JAZF1: variants seen among roughly 807,000 people sequenced by gnomAD.
The protein encoded by JAZF1 is juxtaposed with another zinc finger protein 1.
JAZF1 carries 8 observed loss-of-function variants against 26.4 expected under a neutral mutation model. The observed-to-expected ratio is 0.30, with a 90% CI of 0.18 to 0.55. The LOEUF is 0.55. JAZF1 is among the 20% of genes least tolerant of loss of function. The pLI is 0.94. For missense variants in JAZF1, 199 were observed against 322.0 expected (o/e 0.62, Z 2.92); for synonymous variants, 126 against 122.3 (o/e 1.03, Z -0.20).
intron 1 of JAZF1, among the ~76,000 whole-genome samples, chr7:28,120,188 T>TA (rs1784816731): frequency 6.9e-6 from 1 of 144,238 alleles, no homozygotes; most frequent in African/African-American, 2.6e-5. Context: ...TTTTTTTTTT[T>TA]ATTAAGCTTT....
At chr7:27,838,276 A>G (rs1019294519) in intron 4 of JAZF1, among the ~76,000 whole-genome samples, 1 of 152,086 alleles carries the variant, frequency 6.6e-6, no homozygotes, top group African/African-American at 2.4e-5. Context: ...GGAAAACATT[A>G]TTTTTTCCTC....
chr7:27,894,903 T>C (rs1239067447), intron 3 of JAZF1, among the ~76,000 whole-genome samples: 1 of 152,200 alleles, frequency 6.6e-6, no homozygotes, highest in Non-Finnish European at 1.5e-5. Context: ...TATATTTAGT[T>C]GTAAATCGGG....
chr7:27,930,397 T>G (rs756477953), intron 2 of JAZF1, among the ~76,000 whole-genome samples: 3 of 152,196 alleles, frequency 2.0e-5, no homozygotes, highest in Admixed American at 6.5e-5. Context: ...AGAAAATGGC[T>G]ACGAAGAACA....
intron 2 of JAZF1, among the ~76,000 whole-genome samples, chr7:27,942,723 A>C (rs1019642968): frequency 1.6e-4 from 25 of 152,246 alleles, no homozygotes; most frequent in Admixed American, 1.3e-4. Context: ...TGCTTTTAGT[A>C]GAAAAGGACA....
intron 1 of JAZF1, among the ~76,000 whole-genome samples, chr7:28,090,165 T>C (rs1471760429): frequency 6.6e-6 from 1 of 152,174 alleles, no homozygotes; most frequent in East Asian, 1.9e-4. Flanking sequence ...AACTTAAAAA[T>C]CAGTTTAATG....
At chr7:28,029,529 T>C (rs1179779712) in intron 1 of JAZF1, among the ~76,000 whole-genome samples, 1 of 152,182 alleles carries the variant, frequency 6.6e-6, no homozygotes, top group African/African-American at 2.4e-5. Context: ...AACAGATGTA[T>C]CACAGATAAA....
At position 27,840,612 on chromosome 7, in the gene JAZF1, C is replaced by T; in HGVS notation, c.555+86G>A. The T allele has an allele frequency of 2.8e-6, 4 of 1,416,932 alleles. No individual in the cohort carries two copies. The highest frequency in any genetic ancestry group is 3.9e-6 in the Non-Finnish European group (4 of 1,019,820). The allele number at this position is 1,416,932 out of a possible 1,614,324, so 87.8% of individuals were successfully genotyped here. Reference sequence around the variant, plus strand: ...TGTCTCCCCCCAGCCCATACGCTCGCTTTAAAATCAAGAAAGGGCTGCTGC... The same window carrying T: ...TGTCTCCCCCCAGCCCATACGCTCGTTTTAAAATCAAGAAAGGGCTGCTGC... On this transcript the variant is annotated intron_variant, in intron 4 of 4. Transcript: ENST00000283928. The surrounding 1 kb of genome is among the most constrained non-coding windows in gnomAD (Gnocchi z 5.1).
chr7:27,855,859 T>C (rs1357816178), intron 3 of JAZF1, among the ~76,000 whole-genome samples: 1 of 152,102 alleles, frequency 6.6e-6, no homozygotes, highest in Admixed American at 6.5e-5. Flanking sequence ...CCTAACTCAT[T>C]TTATGAGGCC....
chr7:28,165,958 C>A (rs541600947), intron 1 of JAZF1, among the ~76,000 whole-genome samples: 1 of 151,942 alleles, frequency 6.6e-6, no homozygotes, highest in Non-Finnish European at 1.5e-5. Flanking sequence ...AGTTACTAAA[C>A]GCATAAATTG....
At chr7:28,110,514 GAAAAGGA>G (rs762586935) in intron 1 of JAZF1, among the ~76,000 whole-genome samples, 9 of 65,956 alleles carry the variant, frequency 1.4e-4, no homozygotes, top group African/African-American at 6.3e-4. Context: ...AAAAGGAAAG[GAAAAGGA>G]AAAGGAAAAG....
chr7:28,026,550 T>C (rs1033448719), intron 1 of JAZF1, among the ~76,000 whole-genome samples: 1 of 152,152 alleles, frequency 6.6e-6, no homozygotes, highest in Non-Finnish European at 1.5e-5. Flanking sequence ...ATGTACAAAA[T>C]GAATGTTGAA....
chr7:27,874,771 C>T (rs1053410111), intron 3 of JAZF1, among the ~76,000 whole-genome samples: 16 of 152,122 alleles, frequency 1.1e-4, no homozygotes, highest in Admixed American at 2.0e-4. Flanking sequence ...TCAATGAGGG[C>T]TGGCTTGGCG....
chr7:28,003,294 A>C (rs1363605019), intron 1 of JAZF1, among the ~76,000 whole-genome samples: 1 of 152,148 alleles, frequency 6.6e-6, no homozygotes, highest in African/African-American at 2.4e-5. Context: ...GTAAAATCAC[A>C]CCTGAATCAC....
At chr7:28,153,841 A>G (rs1310052230) in intron 1 of JAZF1, among the ~76,000 whole-genome samples, 2 of 152,140 alleles carry the variant, frequency 1.3e-5, no homozygotes, top group African/African-American at 4.8e-5. Context: ...CCATACCTCT[A>G]TTAGGGGTGC....
chr7:28,034,738 T>C (rs17156237), intron 1 of JAZF1, among the ~76,000 whole-genome samples: 4,616 of 152,236 alleles, frequency 0.03, 90 homozygotes, highest in South Asian at 0.082. Context: ...TAAAATGCCA[T>C]AATCCTTCTA....
At chr7:27,839,847 A>G (rs1479003069) in intron 4 of JAZF1, among the ~76,000 whole-genome samples, 5 of 152,212 alleles carry the variant, frequency 3.3e-5, no homozygotes, top group Non-Finnish European at 2.9e-5. Flanking sequence ...GCTTTAAAAA[A>G]TAGTCAATCT....
At chr7:28,146,244 T>C (rs116690578) in intron 1 of JAZF1, among the ~76,000 whole-genome samples, 1 of 152,210 alleles carries the variant, frequency 6.6e-6, no homozygotes, top group Non-Finnish European at 1.5e-5. Flanking sequence ...GGCCACCATC[T>C]TGAAGAAACC....
chr7:27,836,803 G>A (rs532814139), intron 4 of JAZF1, among the ~76,000 whole-genome samples: 1 of 152,090 alleles, frequency 6.6e-6, no homozygotes, highest in Admixed American at 6.5e-5. Flanking sequence ...GGGTCTTCAG[G>A]AAAAAAAGAA....
intron 2 of JAZF1, chr7:27,914,750 C>T (rs1179992371): frequency 8.5e-6 from 4 of 471,152 alleles, no homozygotes; most frequent in South Asian, 6.2e-5. Flanking sequence ...CACACAGGGG[C>T]CTCTCAGGAT....
Sources: gnomAD v4.1 joint callset for allele counts (sites outside exome capture counted in the v4.1 genomes callset) on GRCh38, gnomAD v4.1.1 for gene constraint, Gnocchi (gnomAD v3.1) non-coding constraint, MANE v1.5 for transcripts, NCBI Gene and HGNC (gene_info 2026-07-23, HGNC 2026-07-21) for gene names.